GPHN: variants seen among roughly 807,000 people sequenced by gnomAD.
The protein encoded by GPHN is gephyrin.
A neutral mutation model predicts 95.5 loss-of-function variants in GPHN; 17 were observed. The ratio of observed to expected loss-of-function variants is 0.18; its 90% CI spans 0.12 to 0.27. The LOEUF (loss-of-function observed/expected upper bound fraction) is 0.27, where lower values mean the gene tolerates loss of function less well. Ranked by LOEUF, GPHN falls within the 10% of genes least tolerant of loss-of-function variation. The probability of loss-of-function intolerance (pLI) is 1.00; values close to 1 mark genes in which losing one functional copy is unlikely to be tolerated. For missense variants in GPHN, 660 were observed against 978.1 expected (o/e 0.67, Z 4.34); for synonymous variants, 320 against 322.5 (o/e 0.99, Z 0.08).
At chr14:67,287,494 A>G in the GPHN span, among the ~76,000 whole-genome samples, 2 of 152,228 alleles carry the variant, frequency 1.3e-5, no homozygotes, top group Non-Finnish European at 2.9e-5. Flanking sequence ...TCAAATGGCT[A>G]TAACTTGTAA....
intron 3 of GPHN, among the ~76,000 whole-genome samples, chr14:66,785,527 A>G (rs2059741742): frequency 6.6e-6 from 1 of 152,060 alleles, no homozygotes; most frequent in Admixed American, 6.5e-5. Context: ...TCTTAAAAGT[A>G]TGTGTACCAA....
At chr14:67,109,903 C>T (rs994742774) in intron 13 of GPHN, among the ~76,000 whole-genome samples, 57 of 152,106 alleles carry the variant, frequency 3.7e-4, no homozygotes, top group African/African-American at 1.3e-3. Flanking sequence ...AGCACCAAGA[C>T]ACCGAATAGT....
chr14:67,585,940 C>G, the GPHN span: 3 of 1,607,876 alleles, frequency 1.9e-6, no homozygotes, highest in Non-Finnish European at 2.5e-6. Flanking sequence ...CTGACTGGTT[C>G]CTTTCCACAG....
the GPHN span, among the ~76,000 whole-genome samples, chr14:67,381,032 G>A: frequency 2.6e-5 from 4 of 152,050 alleles, no homozygotes; most frequent in Non-Finnish European, 5.9e-5. Flanking sequence ...TTTTGTTTTA[G>A]TGCATACTTT....
chr14:66,758,444 A>G (rs956138766), intron 2 of GPHN, among the ~76,000 whole-genome samples: 3 of 152,156 alleles, frequency 2.0e-5, no homozygotes, highest in African/African-American at 7.2e-5. Flanking sequence ...ATAGCAGTCA[A>G]ATCTCCCTCA....
At chr14:66,874,383 A>C (rs145698049) in intron 4 of GPHN, among the ~76,000 whole-genome samples, 1 of 152,202 alleles carries the variant, frequency 6.6e-6, no homozygotes. Flanking sequence ...CCAGCAAGGT[A>C]TCAAAACTGG....
chr14:67,557,161 TG>T, the GPHN span: 1 of 827,258 alleles, frequency 1.2e-6, no homozygotes, highest in Non-Finnish European at 1.9e-6. Context: ...GGGCTGTGCC[TG>T]GGAGTCACAG....
At chr14:67,169,857 A>G (rs2082496693) in intron 21 of GPHN, among the ~76,000 whole-genome samples, 3 of 152,226 alleles carry the variant, frequency 2.0e-5, no homozygotes, top group Admixed American at 1.3e-4. Context: ...CAGGTGGATC[A>G]CCTGAGGTCA....
the GPHN span, among the ~76,000 whole-genome samples, chr14:67,520,684 T>C: frequency 6.7e-6 from 1 of 149,894 alleles, no homozygotes; most frequent in Non-Finnish European, 1.5e-5. Flanking sequence ...TCCAACTCCT[T>C]TGGGCGTACC....
At chr14:67,712,718 G>A in the GPHN span, among the ~76,000 whole-genome samples, 3 of 151,904 alleles carry the variant, frequency 2.0e-5, no homozygotes, top group African/African-American at 7.3e-5. Flanking sequence ...AACCAGAAAG[G>A]GTTTGATTTA....
intron 1 of GPHN, among the ~76,000 whole-genome samples, chr14:66,546,622 A>G (rs1270380078): frequency 6.6e-6 from 1 of 151,770 alleles, no homozygotes; most frequent in Non-Finnish European, 1.5e-5. Flanking sequence ...AAATACGAAA[A>G]CCAGTCAGGC....
chr14:67,181,016 G>A lies in GPHN; in HGVS notation c.*79G>A. On this transcript the variant is annotated 3_prime_UTR_variant, in exon 23 of 23. Coordinates refer to ENST00000478722, the MANE Select transcript of GPHN (RefSeq NM_020806.5). ...CCTGTAATATGCAACGGCACAGCTAGTTTTCCCGATTTGGATAAAAGTTGA... is the reference window on the plus strand; with the variant it reads ...CCTGTAATATGCAACGGCACAGCTAATTTTCCCGATTTGGATAAAAGTTGA... 3 of 1,391,540 alleles carry A rather than the reference G, an allele frequency of 2.2e-6. No homozygotes were observed. The highest frequency in any genetic ancestry group is 3.1e-6 in the Non-Finnish European group (3 of 980,394). 86.2% of individuals were successfully genotyped at this position (1,391,540 alleles called of 1,614,324 possible).
At chr14:66,594,791 A>T (rs572410441) in intron 1 of GPHN, among the ~76,000 whole-genome samples, 5 of 152,336 alleles carry the variant, frequency 3.3e-5, no homozygotes, top group Admixed American at 2.0e-4. Context: ...CCCAAAGCAC[A>T]GACGACAAAA....
the GPHN span, among the ~76,000 whole-genome samples, chr14:67,281,346 C>CTGCCTTCAGACATTTTAA: frequency 6.6e-6 from 1 of 152,116 alleles, no homozygotes; most frequent in Non-Finnish European, 1.5e-5. Context: ...TGCTAAATTC[C>CTGCCTTCAGACATTTTAA]TGCCTTCAGA....
chr14:67,499,679 G>C, the GPHN span, among the ~76,000 whole-genome samples: 1 of 152,146 alleles, frequency 6.6e-6, no homozygotes, highest in East Asian at 1.9e-4. Context: ...GACAGGAATA[G>C]GGGCAGAGAA....
intron 9 of GPHN, among the ~76,000 whole-genome samples, chr14:67,015,287 A>T (rs1392476201): frequency 6.6e-6 from 1 of 152,206 alleles, no homozygotes; most frequent in Non-Finnish European, 1.5e-5. Flanking sequence ...TAACAATGAA[A>T]ATTTATATAA....
At chr14:67,659,795 G>A in the GPHN span, 9 of 1,613,980 alleles carry the variant, frequency 5.6e-6, no homozygotes, top group African/African-American at 4.0e-5. Context: ...AGGTGTGGCT[G>A]TCAAAGGTGT....
In GPHN at chr14:66,727,285, C is replaced by T. The variant is rs144064004; in HGVS notation, c.143+46100C>T. 4.4e-3 allele frequency among the ~76,000 whole-genome samples: 671 copies of T among 152,274 alleles called. 2 individuals carry two copies. Among genetic ancestry groups the T allele is most frequent in the Non-Finnish European group, 7.1e-3 (485 of 68,020 alleles). ...CTCTTTCTTTTGTAAATTGCCCAGT[C>T]TCAGGTATGTCTTTATCAACAGCAT... On this transcript the variant is annotated intron_variant, in intron 2 of 22. Transcript: ENST00000478722.
chr14:66,710,800 G>C (rs957609207), intron 2 of GPHN, among the ~76,000 whole-genome samples: 15 of 152,104 alleles, frequency 9.9e-5, no homozygotes, highest in African/African-American at 3.6e-4. Flanking sequence ...TGTAAACTTG[G>C]GAGAGTAATT....
Sources: allele counts gnomAD v4.1 joint callset (sites outside exome capture counted in the v4.1 genomes callset), GRCh38; gene constraint gnomAD v4.1.1; transcripts MANE v1.5; gene names NCBI Gene and HGNC (gene_info 2026-07-23, HGNC 2026-07-21).